The following CNTN4 variants were observed in gnomAD, a reference collection of about 807,000 sequenced individuals.
CNTN4 encodes contactin-4.
In CNTN4, 77 loss-of-function variants were observed where a neutral mutation model predicts 122.5. The ratio of observed to expected loss-of-function variants is 0.63; its 90% CI spans 0.52 to 0.76. CNTN4 has a LOEUF of 0.76. Ranked by LOEUF, CNTN4 falls within the 30% of genes least tolerant of loss-of-function variation. The pLI is 0.00. For synonymous variants in CNTN4, 512 were observed against 447.0 expected (o/e 1.15, Z -1.83); for missense variants, 1,256 against 1,259.1 (o/e 1.00, Z 0.04).
intron 16 of CNTN4, among the ~76,000 whole-genome samples, chr3:3,034,349 T>C (rs988609428): frequency 1.3e-5 from 2 of 152,216 alleles, no homozygotes; most frequent in African/African-American, 2.4e-5. Context: ...CAATACTCTC[T>C]ATTAACATTA....
At chr3:2,294,102 C>CTA (rs1321804176) in intron 2 of CNTN4, among the ~76,000 whole-genome samples, 1 of 152,176 alleles carries the variant, frequency 6.6e-6, no homozygotes, top group Non-Finnish European at 1.5e-5. Flanking sequence ...GCAGGCCAAA[C>CTA]TGTAAAGAGC....
At position 2,117,740 on chromosome 3, in the gene CNTN4, C is replaced by T. The variant is rs375600333; in HGVS notation, c.-145+17101C>T. On this transcript the variant is annotated intron_variant, in intron 2 of 24. Transcript: ENST00000418658. The stretch of plus-strand genomic sequence containing the variant: ...TACATATATTTTACCACTTCATGGG[C>T]TAATGGAATATTTTAAAATTTCCCG... 2.0e-5 allele frequency among the ~76,000 whole-genome samples: 3 copies of T among 152,246 alleles called. No homozygotes were observed. In the South Asian group the frequency reaches 6.2e-4, roughly 32 times the overall value.
At chr3:2,820,619 C>T (rs1455957033) in intron 7 of CNTN4, among the ~76,000 whole-genome samples, 2 of 152,080 alleles carry the variant, frequency 1.3e-5, no homozygotes, top group African/African-American at 4.8e-5. Context: ...GTTCCTCTGA[C>T]AACCAATCAA....
At chr3:2,327,401 A>T (rs545064102) in intron 2 of CNTN4, among the ~76,000 whole-genome samples, 5 of 152,130 alleles carry the variant, frequency 3.3e-5, no homozygotes, top group African/African-American at 1.2e-4. Context: ...CTCATTCCTC[A>T]TGGTAATGGA....
intron 2 of CNTN4, among the ~76,000 whole-genome samples, chr3:2,101,922 C>T (rs1247597049): frequency 6.6e-6 from 1 of 152,200 alleles, no homozygotes; most frequent in African/African-American, 2.4e-5. Context: ...CTCCTTATCT[C>T]TGCTCTGCTG....
At chr3:2,377,984 G>T (rs1171350076) in intron 3 of CNTN4, among the ~76,000 whole-genome samples, 1 of 152,176 alleles carries the variant, frequency 6.6e-6, no homozygotes, top group African/African-American at 2.4e-5. Flanking sequence ...AACAACTGTT[G>T]TTGTCACCTC....
At chr3:2,384,940 C>T (rs958947895) in intron 3 of CNTN4, among the ~76,000 whole-genome samples, 5 of 151,968 alleles carry the variant, frequency 3.3e-5, no homozygotes, top group Non-Finnish European at 5.9e-5. Context: ...TCATATAGCC[C>T]CTTCTACAGT....
chr3:2,875,730 T>G (rs1464993132), intron 8 of CNTN4, among the ~76,000 whole-genome samples: 1 of 152,216 alleles, frequency 6.6e-6, no homozygotes, highest in Non-Finnish European at 1.5e-5. Context: ...TACTTGTTAT[T>G]TGTGGCTCCA....
chr3:2,992,579 G>A (rs1353587566), intron 14 of CNTN4, among the ~76,000 whole-genome samples: 1 of 152,190 alleles, frequency 6.6e-6, no homozygotes, highest in Non-Finnish European at 1.5e-5. Flanking sequence ...CTGCTATACA[G>A]GTTTCATATG....
intron 3 of CNTN4, among the ~76,000 whole-genome samples, chr3:2,461,220 C>G (rs977970777): frequency 2.0e-5 from 3 of 152,000 alleles, no homozygotes; most frequent in Admixed American, 1.3e-4. Flanking sequence ...ACTTAGTTCT[C>G]CTCCCTTGTA....
intron 14 of CNTN4, among the ~76,000 whole-genome samples, chr3:3,002,167 G>A (rs1053284246): frequency 2.6e-5 from 4 of 152,108 alleles, no homozygotes; most frequent in African/African-American, 9.7e-5. Flanking sequence ...CCATAAAGCC[G>A]TTTTCTAATT....
chr3:2,869,755 T>C (rs984569912), intron 8 of CNTN4, among the ~76,000 whole-genome samples: 1 of 152,176 alleles, frequency 6.6e-6, no homozygotes, highest in Non-Finnish European at 1.5e-5. Context: ...AGCACGGTGC[T>C]TGCCACATGG....
intron 6 of CNTN4, among the ~76,000 whole-genome samples, chr3:2,758,136 A>G (rs2090423046): frequency 2.0e-5 from 3 of 152,312 alleles, no homozygotes; most frequent in African/African-American, 7.2e-5. Flanking sequence ...TCCTATAAGT[A>G]ATGTATATGT....
Position 2,561,058 on chromosome 3 carries a change from T to C in CNTN4, c.-88-10358T>C, listed in dbSNP as rs1333279653. ...CTGTGCGTAATGATGGACATACTAG[T>C]AAGCTTACTTCCCCACTAAGTGTAT... On this transcript the variant is annotated intron_variant, in intron 3 of 24. Coordinates refer to ENST00000418658, the MANE Select transcript of CNTN4 (RefSeq NM_175607.3). Among the ~76,000 whole-genome samples the C allele has an allele frequency of 6.0e-4, 91 of 152,198 alleles. 2 individuals carry two copies. The highest frequency in any genetic ancestry group is 6.0e-3 in the Admixed American group (91 of 15,284).
At chr3:2,645,918 A>G (rs1052328012) in intron 4 of CNTN4, among the ~76,000 whole-genome samples, 1 of 152,180 alleles carries the variant, frequency 6.6e-6, no homozygotes, top group Non-Finnish European at 1.5e-5. Flanking sequence ...GTTCCCAAAT[A>G]ATTTATATTT....
chr3:2,206,312 G>T (rs1238686899), intron 2 of CNTN4, among the ~76,000 whole-genome samples: 1 of 151,994 alleles, frequency 6.6e-6, no homozygotes, highest in Non-Finnish European at 1.5e-5. Flanking sequence ...ATCTACAAAG[G>T]CTTCTGTATC....
intron 3 of CNTN4, among the ~76,000 whole-genome samples, chr3:2,343,360 T>C (rs1349239191): frequency 6.6e-6 from 1 of 152,192 alleles, no homozygotes; most frequent in African/African-American, 2.4e-5. Flanking sequence ...CAAGTCTTCA[T>C]GTGTAACTTT....
chr3:2,495,249 G>A (rs1235324348), intron 3 of CNTN4, among the ~76,000 whole-genome samples: 2 of 152,026 alleles, frequency 1.3e-5, no homozygotes, highest in Non-Finnish European at 2.9e-5. Flanking sequence ...TTGCCAAGTA[G>A]GAAATAATAT....
intron 4 of CNTN4, among the ~76,000 whole-genome samples, chr3:2,711,619 A>G (rs1266386510): frequency 6.6e-6 from 1 of 152,206 alleles, no homozygotes; most frequent in Non-Finnish European, 1.5e-5. Flanking sequence ...CCACTCTTCA[A>G]ACCAGAAATG....
Sources: gnomAD v4.1 joint callset for allele counts (sites outside exome capture counted in the v4.1 genomes callset) on GRCh38, gnomAD v4.1.1 for gene constraint, MANE v1.5 for transcripts, NCBI Gene and HGNC (gene_info 2026-07-23, HGNC 2026-07-21) for gene names.